TNS3: variants seen among roughly 807,000 people sequenced by gnomAD.
The protein encoded by TNS3 is tensin-3.
In TNS3, 45 loss-of-function variants were observed where a neutral mutation model predicts 140.9. The ratio of observed to expected loss-of-function variants is 0.32; its 90% CI spans 0.25 to 0.41. The LOEUF (loss-of-function observed/expected upper bound fraction) is 0.41. Ranked by LOEUF, TNS3 falls within the 10% of genes least tolerant of loss-of-function variation. The pLI is 1.00. For synonymous variants in TNS3, 815 were observed against 788.4 expected (o/e 1.03, Z -0.56); for missense variants, 1,716 against 1,906.7 (o/e 0.90, Z 1.86).
chr7:47,438,818 C>T (rs989490555), intron 6 of TNS3, among the ~76,000 whole-genome samples: 1 of 152,134 alleles, frequency 6.6e-6, no homozygotes, highest in Non-Finnish European at 1.5e-5. Flanking sequence ...ATAAGGAGGC[C>T]TCCTTACTAG....
chr7:47,555,363 C>T (rs1437637830), intron 1 of TNS3, among the ~76,000 whole-genome samples: 2 of 146,668 alleles, frequency 1.4e-5, no homozygotes, highest in African/African-American at 2.5e-5. Flanking sequence ...ATCATGCCAA[C>T]ACACTCCAGC....
rs759207338 is a variant in TNS3, at chr7:47,369,104, C to T, written c.1542G>A (p.Lys514=). The T allele has an allele frequency of 2.5e-6, 4 of 1,614,148 alleles. No homozygotes were observed. Among genetic ancestry groups the T allele is most frequent in the East Asian group, 4.5e-5 (2 of 44,886 alleles). The part of the protein sequence containing the change: ...SAHLGPFTCH[K]SSQNSLLSDG... ...CAGATAGGAGTGAGTTCTGGCTGCT[C>T]TTGTGGCAGGTGAAGGGACCCAGGT... Residue 514 remains lysine (K), a synonymous_variant, in exon 17 of 31, where the codon AAG becomes AAA. Coordinates refer to ENST00000311160, the MANE Select transcript of TNS3 (RefSeq NM_022748.12).
At chr7:47,328,144 G>A (rs1788129562) in intron 20 of TNS3, among the ~76,000 whole-genome samples, 1 of 151,974 alleles carries the variant, frequency 6.6e-6, no homozygotes, top group Non-Finnish European at 1.5e-5. Context: ...AGGGCTCTGT[G>A]TTCCGGCCTG....
In TNS3 at chr7:47,481,106, T is replaced by C. The variant is rs1367223569; in HGVS notation, c.-79A>G. On this transcript the variant is annotated 5_prime_UTR_variant, in exon 4 of 31. Transcript: ENST00000311160. Reference sequence around the variant, plus strand: ...CAAAGAAATGCAAAGGGCTTACCTGTTCCAGTCGGACTTGCACACCGCAGG... The same window carrying C: ...CAAAGAAATGCAAAGGGCTTACCTGCTCCAGTCGGACTTGCACACCGCAGG... 5 of 1,289,792 alleles carry C rather than the reference T, an allele frequency of 3.9e-6. No individual in the cohort carries two copies. Among genetic ancestry groups the C allele is most frequent in the Non-Finnish European group, 3.0e-6 (3 of 988,868 alleles). 79.9% of individuals were successfully genotyped at this position (1,289,792 alleles called of 1,614,324 possible). A position where few individuals can be genotyped will look rare whatever the true frequency, so the allele number is the denominator to read the frequency against.
At position 47,388,792 on chromosome 7, in the gene TNS3, G is replaced by A. The variant is rs548159489; in HGVS notation, c.1024+8008C>T. ...GAGGCAGGGACAACTGCTTGAACCC[G>A]GGAGGTGGAGGTTGCAGTGAGCCAA... is the stretch of plus-strand genomic sequence containing the variant. On this transcript the variant is annotated intron_variant, in intron 16 of 30. Coordinates refer to ENST00000311160, the MANE Select transcript of TNS3 (RefSeq NM_022748.12). Among the ~76,000 whole-genome samples, 36 of 152,116 alleles carry A rather than the reference G, an allele frequency of 2.4e-4. No individual in the cohort carries two copies. The South Asian group carries it at 2.5e-3, about 11-fold the overall frequency.
intron 13 of TNS3, chr7:47,405,463 G>T (rs971105862): frequency 1.4e-6 from 1 of 702,282 alleles, no homozygotes; most frequent in East Asian, 2.7e-5. Flanking sequence ...AGCCCCATAG[G>T]TCAAAGACTT....
chr7:47,570,641 T>C (rs1363269594), intron 1 of TNS3, among the ~76,000 whole-genome samples: 2 of 152,200 alleles, frequency 1.3e-5, no homozygotes, highest in East Asian at 1.9e-4. Context: ...ACTTCTAGAA[T>C]GTTTTCATCT....
chr7:47,559,294 G>A (rs1032807411), intron 1 of TNS3, among the ~76,000 whole-genome samples: 2 of 152,128 alleles, frequency 1.3e-5, no homozygotes, highest in East Asian at 1.9e-4. Context: ...AGGTTGCAGT[G>A]AGCCAAGATC....
intron 6 of TNS3, 120 bp downstream of exon 6, chr7:47,439,367 G>T: frequency 8.8e-7 from 1 of 1,140,358 alleles, no homozygotes; most frequent in Non-Finnish European, 1.2e-6. Flanking sequence ...GGACAGCTGT[G>T]TGAGCCCAGG....
Position 47,278,028 on chromosome 7 carries a change from T to G in TNS3, c.*48A>C. On this transcript the variant is annotated 3_prime_UTR_variant, in exon 31 of 31. Coordinates refer to ENST00000311160, the MANE Select transcript of TNS3 (RefSeq NM_022748.12). ...GCCCCACCCTCACCCAACGGCTGTC[T>G]CCAGGGCTTCGAGAGGCATCGGTGG... 6.2e-7 allele frequency: 1 copy of G among 1,613,386 alleles called. No individual in the cohort carries two copies. Among genetic ancestry groups the G allele is most frequent in the Admixed American group, 1.7e-5 (1 of 59,976 alleles).
rs550495350 is a variant in TNS3 at position 47,537,250 on chromosome 7, C to T, written c.-264-8103G>A. 2.8e-3 allele frequency among the ~76,000 whole-genome samples: 422 copies of T among 152,232 alleles called. 10 individuals carry two copies. Among genetic ancestry groups the T allele is most frequent in the Admixed American group, 0.027 (415 of 15,304 alleles). On this transcript the variant is annotated intron_variant, in intron 1 of 30. Coordinates refer to ENST00000311160, the MANE Select transcript of TNS3 (RefSeq NM_022748.12). ...CAGGAAATGGCCAACACGGGAGGGG[C>T]CAAGGGCTCTCCGTGGCCGCCGGCC...
chr7:47,460,693 GT>G (rs1440541138), intron 4 of TNS3, among the ~76,000 whole-genome samples: 1 of 152,232 alleles, frequency 6.6e-6, no homozygotes, highest in East Asian at 1.9e-4. Flanking sequence ...ACGTGGAAAC[GT>G]TGCCTCCTCC....
chr7:47,305,400 G>C (rs1446671766), intron 20 of TNS3, among the ~76,000 whole-genome samples: 4 of 152,230 alleles, frequency 2.6e-5, no homozygotes, highest in Non-Finnish European at 5.9e-5. Context: ...CCTCACTTTA[G>C]AATTGGCATG....
chr7:47,502,325 A>G (rs1457662701), intron 3 of TNS3, among the ~76,000 whole-genome samples: 1 of 152,228 alleles, frequency 6.6e-6, no homozygotes, highest in African/African-American at 2.4e-5. Flanking sequence ...TGAAGATGAA[A>G]GTTAACTGCC....
Position 47,368,264 on chromosome 7 carries a change from G to C in TNS3, c.2281+101C>G, listed in dbSNP as rs547652842. On this transcript the variant is annotated intron_variant, in intron 17 of 30. Coordinates refer to ENST00000311160, the MANE Select transcript of TNS3 (RefSeq NM_022748.12). ...TGCAAGGGAAATGTCCCTCCCTTGT[G>C]GATTTCGCCAAAAGCTAACCTACTA... 1.2e-5 allele frequency: 15 copies of C among 1,223,260 alleles called. No individual in the cohort carries two copies. In the East Asian group the frequency reaches 4.1e-4, roughly 34 times the overall value. 75.8% of individuals were successfully genotyped at this position (1,223,260 alleles called of 1,614,324 possible). A position where few individuals can be genotyped will look rare whatever the true frequency, so the allele number is the denominator to read the frequency against.
chr7:47,411,864 T>C lies in TNS3; in HGVS notation c.648-62A>G, dbSNP rs1024704993. ...TTCATGATTTTGTGGGAAGAATACA[T>C]GTAGAGAAAAGCAACCCTACAACCC... On this transcript the variant is annotated intron_variant, in intron 12 of 30. Coordinates refer to ENST00000311160, the MANE Select transcript of TNS3 (RefSeq NM_022748.12). 5.9e-6 allele frequency: 9 copies of C among 1,530,220 alleles called. No individual in the cohort carries two copies. In the East Asian group the frequency reaches 9.5e-5, roughly 16 times the overall value. 94.8% of individuals were successfully genotyped at this position (1,530,220 alleles called of 1,614,324 possible).
intron 18 of TNS3, among the ~76,000 whole-genome samples, chr7:47,345,383 C>A (rs1409247228): frequency 6.6e-5 from 10 of 152,144 alleles, no homozygotes; most frequent in Non-Finnish European, 1.2e-4. Context: ...ATAAAACAGT[C>A]CTTACCCATG....
Position 47,529,146 on chromosome 7 carries a change from G to T in TNS3, c.-263C>A. On this transcript the variant is annotated splice_region_variant and 5_prime_UTR_variant, in exon 2 of 31. Coordinates refer to ENST00000311160, the MANE Select transcript of TNS3 (RefSeq NM_022748.12). ...GTGCAGACTCGAGGTTAATTCTTCC[G>T]GCTGAAAAAGTAAAGGAAGAAATTG... The T allele has an allele frequency of 7.9e-7, 1 of 1,262,222 alleles. No individual in the cohort carries two copies. Among genetic ancestry groups the T allele is most frequent in the Middle Eastern group, 2.2e-4 (1 of 4,584 alleles). 78.2% of individuals were successfully genotyped at this position (1,262,222 alleles called of 1,614,324 possible).
intron 16 of TNS3, among the ~76,000 whole-genome samples, chr7:47,388,897 A>C: frequency 2.1e-5 from 1 of 47,534 alleles, no homozygotes; most frequent in African/African-American, 6.5e-5. Flanking sequence ...AAGAAGAAGA[A>C]AGAAGAAGAA....
Sources: allele counts gnomAD v4.1 joint callset (sites outside exome capture counted in the v4.1 genomes callset), GRCh38; gene constraint gnomAD v4.1.1; transcripts MANE v1.5; gene names NCBI Gene and HGNC (gene_info 2026-07-23, HGNC 2026-07-21).